C12orf56: variants seen among roughly 807,000 people sequenced by gnomAD.
C12orf56 encodes uncharacterized protein C12orf56.
A neutral mutation model predicts 69.9 loss-of-function variants in C12orf56; 71 were observed. The ratio of observed to expected loss-of-function variants is 1.02; its 90% CI spans 0.84 to 1.24. The LOEUF (loss-of-function observed/expected upper bound fraction) is 1.24, where lower values mean the gene tolerates loss of function less well. Among genes scored for constraint, C12orf56 ranks in the 50% most tolerant of loss-of-function variants. C12orf56 has a pLI of 0.00. For missense variants in C12orf56, 732 were observed against 738.5 expected (o/e 0.99, Z 0.10); for synonymous variants, 276 against 274.1 (o/e 1.01, Z -0.07).
chr12:64,272,000 C>G (rs10784390), intron 11 of C12orf56, among the ~76,000 whole-genome samples: 106,794 of 151,976 alleles, frequency 0.7, 38,713 homozygotes, highest in Non-Finnish European at 0.8. Context: ...GCTTCATGGT[C>G]ACAGACTAGC....
At position 64,265,647 on chromosome 12, in the gene C12orf56, G is replaced by A. The variant is rs1308018096; in HGVS notation, c.*1536C>T. On this transcript the variant is annotated 3_prime_UTR_variant, in exon 13 of 13. Transcript: ENST00000543942. The stretch of plus-strand genomic sequence containing the variant: ...GGTCATTTGGCTCTGTCAGAACCTG[G>A]AATAAAATGTCCTAGTAATTATCTC... 6.6e-6 allele frequency: 1 copy of A among 152,178 alleles called. No individual in the cohort carries two copies. Among genetic ancestry groups the A allele is most frequent in the African/African-American group, 2.4e-5 (1 of 41,436 alleles). 9.4% of individuals were successfully genotyped at this position (152,178 alleles called of 1,614,324 possible). A position where few individuals can be genotyped will look rare whatever the true frequency, so the allele number is the denominator to read the frequency against.
At chr12:64,335,951 T>C (rs1056759725) in intron 2 of C12orf56, among the ~76,000 whole-genome samples, 29 of 152,252 alleles carry the variant, frequency 1.9e-4, no homozygotes, top group African/African-American at 7.0e-4. Context: ...AGTTATTGTG[T>C]GCTGCTGCTC....
chr12:64,332,302 CAAAAAA>C (rs10680877), intron 2 of C12orf56, among the ~76,000 whole-genome samples: 5 of 100,776 alleles, frequency 5.0e-5, no homozygotes, highest in African/African-American at 2.0e-4. Flanking sequence ...GACTCCATCT[CAAAAAA>C]AAAAAAAAAA....
intron 6 of C12orf56, among the ~76,000 whole-genome samples, chr12:64,295,737 C>G (rs1258041848): frequency 6.6e-6 from 1 of 150,992 alleles, no homozygotes; most frequent in Non-Finnish European, 1.5e-5. Flanking sequence ...AAAATAAAGA[C>G]CACTTAAAAG....
At chr12:64,277,649 T>A (rs1565735115) in intron 9 of C12orf56, 31 bp downstream of exon 9, 5 of 1,391,186 alleles carry the variant, frequency 3.6e-6, no homozygotes, top group Admixed American at 2.8e-5. Flanking sequence ...TATATATATA[T>A]AATAGTTTAC....
intron 5 of C12orf56, among the ~76,000 whole-genome samples, chr12:64,311,412 C>CAA (rs533651112): frequency 0.011 from 1,157 of 101,262 alleles, 14 homozygotes; most frequent in African/African-American, 0.038. Context: ...GACTTTGTCT[C>CAA]AAAAAAAAAA....
Position 64,299,515 on chromosome 12 carries a change from G to A in C12orf56, c.1113+4120C>T, listed in dbSNP as rs371090769. Among the ~76,000 whole-genome samples the A allele has an allele frequency of 1.3e-4, 20 of 152,238 alleles. No homozygotes were observed. The East Asian group carries it at 3.7e-3, about 28-fold the overall frequency. On this transcript the variant is annotated intron_variant, in intron 6 of 12. Coordinates refer to ENST00000543942, the MANE Select transcript of C12orf56 (RefSeq NM_001170633.2). The stretch of plus-strand genomic sequence containing the variant: ...ATGAAAGCTTCATTTTTAGACATTG[G>A]ATTAGGTTAATATTTCACAAGAGAA...
intron 9 of C12orf56, among the ~76,000 whole-genome samples, chr12:64,275,851 C>T (rs1374214071): frequency 6.6e-6 from 1 of 152,094 alleles, no homozygotes; most frequent in Non-Finnish European, 1.5e-5. Flanking sequence ...AAGTGATTCT[C>T]CCACCTCTGC....
chr12:64,295,205 A>C (rs1183824438), intron 6 of C12orf56, among the ~76,000 whole-genome samples: 1 of 152,228 alleles, frequency 6.6e-6, no homozygotes, highest in Admixed American at 6.5e-5. Context: ...CTAGAAAAAG[A>C]ACATAGAGAA....
intron 5 of C12orf56, among the ~76,000 whole-genome samples, chr12:64,308,961 A>AAGAAAGAAAGAAAGAAAGAAAG (rs1218651902): frequency 4.9e-5 from 6 of 122,434 alleles, no homozygotes; most frequent in African/African-American, 1.6e-4. Context: ...GAAAGAAAGA[A>AAGAAAGAAAGAAAGAAAGAAAG]AGAAAGAAAG....
At chr12:64,305,983 T>C (rs1428045502) in intron 5 of C12orf56, among the ~76,000 whole-genome samples, 1 of 152,208 alleles carries the variant, frequency 6.6e-6, no homozygotes, top group East Asian at 1.9e-4. Flanking sequence ...GAGTCAGCAA[T>C]TTGCTAAGAT....
intron 1 of C12orf56, among the ~76,000 whole-genome samples, chr12:64,363,328 T>G (rs986818447): frequency 1.3e-5 from 2 of 152,130 alleles, no homozygotes. Context: ...CAGGTGCACC[T>G]TCTCTCAATC....
At chr12:64,284,117 C>T (rs796831624) in intron 8 of C12orf56, among the ~76,000 whole-genome samples, 1 of 152,088 alleles carries the variant, frequency 6.6e-6, no homozygotes, top group Admixed American at 6.6e-5. Flanking sequence ...AGGCTGGTCA[C>T]AAACTCCTGA....
chr12:64,293,178 C>G (rs2038316888), intron 6 of C12orf56: 1 of 152,270 alleles, frequency 6.6e-6, no homozygotes, highest in Non-Finnish European at 1.5e-5. Flanking sequence ...CTCGCGCTTC[C>G]CAAGTGAGGC....
At position 64,336,930 on chromosome 12, in the gene C12orf56, T is replaced by C. The variant is rs12319754; in HGVS notation, c.416-5898A>G. 2.9e-3 allele frequency among the ~76,000 whole-genome samples: 443 copies of C among 152,194 alleles called. 3 individuals are homozygous for C. The highest frequency in any genetic ancestry group is 0.01 in the African/African-American group (424 of 41,534). ...TGTACCCTGCCCTGTCCACCTTATT[T>C]CATGTAATATAACAACTCTGTGAAG... On this transcript the variant is annotated intron_variant, in intron 2 of 12. Coordinates refer to ENST00000543942, the MANE Select transcript of C12orf56 (RefSeq NM_001170633.2).
chr12:64,338,143 G>C (rs889991044), intron 2 of C12orf56: 5 of 545,390 alleles, frequency 9.2e-6, no homozygotes, highest in South Asian at 1.5e-5. Context: ...CAGCAGGAGA[G>C]CTGAGGACGA....
At chr12:64,303,493 C>T in intron 6 of C12orf56, 142 bp downstream of exon 6, 1 of 705,768 alleles carries the variant, frequency 1.4e-6, no homozygotes, top group South Asian at 2.1e-5. Flanking sequence ...ACCATTAAGA[C>T]ATGACTACAT....
At chr12:64,336,015 T>G (rs2136874319) in intron 2 of C12orf56, among the ~76,000 whole-genome samples, 1 of 152,318 alleles carries the variant, frequency 6.6e-6, no homozygotes, top group African/African-American at 2.4e-5. Flanking sequence ...ATGACTATTA[T>G]CAAATAGATG....
chr12:64,364,661 G>A (rs924931460), intron 1 of C12orf56, among the ~76,000 whole-genome samples: 8 of 152,116 alleles, frequency 5.3e-5, no homozygotes, highest in African/African-American at 1.4e-4. Flanking sequence ...GTTTCTCTTA[G>A]ATTTCATCCC....
Sources: gnomAD v4.1 joint callset for allele counts (sites outside exome capture counted in the v4.1 genomes callset) on GRCh38, gnomAD v4.1.1 for gene constraint, MANE v1.5 for transcripts, NCBI Gene and HGNC (gene_info 2026-07-23, HGNC 2026-07-21) for gene names.